The following SMC2 variants were observed in gnomAD, a reference collection of about 807,000 sequenced individuals.
SMC2 encodes the protein structural maintenance of chromosomes 2.
In SMC2, 41 loss-of-function variants were observed where a neutral mutation model predicts 142.6. The ratio of observed to expected loss-of-function variants is 0.29; its 90% confidence interval spans 0.22 to 0.37. The LOEUF (loss-of-function observed/expected upper bound fraction) is 0.37. Among genes scored for constraint, SMC2 ranks in the 10% least tolerant of loss-of-function variants. The probability of loss-of-function intolerance (pLI) is 1.00; values close to 1 mark genes in which losing one functional copy is unlikely to be tolerated. For synonymous variants in SMC2, 463 were observed against 457.5 expected (o/e 1.01, Z -0.15); for missense variants, 1,265 against 1,373.7 (o/e 0.92, Z 1.25).
chr9:104,104,521 T>G (rs1027628178), intron 9 of SMC2, among the ~76,000 whole-genome samples: 1 of 151,936 alleles, frequency 6.6e-6, no homozygotes, highest in African/African-American at 2.4e-5. Context: ...GCATTGAGAT[T>G]ATGTTTTAGG....
intron 24 of SMC2, 87 bp from the exon 25 acceptor site, chr9:104,139,052 C>G: frequency 1.3e-6 from 1 of 782,722 alleles, no homozygotes; most frequent in African/African-American, 1.8e-5. Context: ...AAAATTATCT[C>G]CAAACCATTC....
intron 13 of SMC2, among the ~76,000 whole-genome samples, chr9:104,115,915 T>C (rs994648631): frequency 2.0e-5 from 3 of 148,808 alleles, no homozygotes; most frequent in Non-Finnish European, 3.0e-5. Flanking sequence ...TTTGTTCAGC[T>C]TTTTTTTTTA....
chr9:104,097,698 G>C (rs1056143742), intron 3 of SMC2, among the ~76,000 whole-genome samples: 6 of 152,110 alleles, frequency 3.9e-5, no homozygotes, highest in African/African-American at 1.4e-4. Flanking sequence ...ATTTTTGTCA[G>C]AGAAGGGTCT....
chr9:104,106,001 T>C (rs1232800394), intron 9 of SMC2, among the ~76,000 whole-genome samples: 2 of 152,220 alleles, frequency 1.3e-5, no homozygotes, highest in Admixed American at 1.3e-4. Flanking sequence ...GATTGGGCTA[T>C]GCATTGCAGT....
At position 104,126,793 on chromosome 9, in the gene SMC2, T is replaced by G; in HGVS notation, c.2595+9T>G. The G allele has an allele frequency of 1.3e-6, 2 of 1,582,366 alleles. No individual in the cohort carries two copies. The highest frequency in any genetic ancestry group is 1.7e-6 in the Non-Finnish European group (2 of 1,169,310). On this transcript the variant is annotated intron_variant, in intron 19 of 24. Transcript: ENST00000374793. ...AGGTGGCTAAAAATAAGGTAGGATT[T>G]ATTTATCAAATTCGAGAAATTGAAA...
intron 2 of SMC2, 64 bp downstream of exon 2, chr9:104,095,616 G>A: frequency 7.6e-7 from 1 of 1,309,396 alleles, no homozygotes; most frequent in Non-Finnish European, 1.1e-6. Flanking sequence ...ACTGAACTTT[G>A]GAGACGTCCC....
chr9:104,131,955 G>C (rs1368101415), intron 21 of SMC2, 54 bp from the exon 22 acceptor site: 12 of 901,882 alleles, frequency 1.3e-5, no homozygotes, highest in Non-Finnish European at 2.1e-5. Context: ...CCAAATTCCA[G>C]AATATAGAAG....
At chr9:104,134,877 C>A (rs143033622) in intron 23 of SMC2, among the ~76,000 whole-genome samples, 1 of 152,076 alleles carries the variant, frequency 6.6e-6, no homozygotes, top group Admixed American at 6.6e-5. Flanking sequence ...GGCTTTCTCT[C>A]TAGAGGCAGT....
intron 10 of SMC2, 96 bp from the exon 11 acceptor site, chr9:104,113,220 G>A (rs1832690037): frequency 1.2e-6 from 1 of 820,358 alleles, no homozygotes; most frequent in South Asian, 2.9e-5. Context: ...TGAAGGTTAA[G>A]GTCTCTTAGT....
intron 7 of SMC2, among the ~76,000 whole-genome samples, chr9:104,101,203 G>A (rs1054155287): frequency 8.5e-5 from 13 of 152,248 alleles, no homozygotes; most frequent in African/African-American, 2.9e-4. Flanking sequence ...GCAAAGTGCT[G>A]GGATTACAGG....
chr9:104,111,329 A>G (rs781071015), intron 9 of SMC2, among the ~76,000 whole-genome samples: 11 of 152,136 alleles, frequency 7.2e-5, no homozygotes, highest in Non-Finnish European at 4.4e-5. Context: ...TGCAATTATT[A>G]TTTAGCCCAA....
rs1405282888 is a variant in SMC2 at position 104,129,730 on chromosome 9, C to T, written c.2876C>T (p.Thr959Ile). The T allele has an allele frequency of 6.2e-7, 1 of 1,613,838 alleles. No homozygotes were observed. Among genetic ancestry groups the T allele is most frequent in the Admixed American group, 1.7e-5 (1 of 60,004 alleles). Residue 959 changes from threonine (T) to isoleucine (I), a missense_variant, in exon 21 of 25, where the codon ACT becomes ATT. Thr to Ile is a moderately conservative substitution (Grantham distance 89). Coordinates refer to ENST00000374793, the MANE Select transcript of SMC2 (RefSeq NM_006444.3). ...GQPNSAYDFKTNNPKEAGQRL... is the reference protein window; with the variant it reads ...GQPNSAYDFKINNPKEAGQRL... ...CCCAATAGTGCCTATGATTTCAAAA[C>T]TAACAACCCTAAAGAAGCTGGTCAG... is the stretch of plus-strand genomic sequence containing the variant.
Position 104,139,139 on chromosome 9 carries a change from T to C in SMC2, c.3418T>C (p.Phe1140Leu). ...MLRTHFTHSQ[F>L]IVVSLKEGMF... ...TATACTTTTTTCTTTTTTCCTTAAGTTCATTGTGGTGTCACTAAAAGAAGG... is the reference window on the plus strand; with the variant it reads ...TATACTTTTTTCTTTTTTCCTTAAGCTCATTGTGGTGTCACTAAAAGAAGG... Residue 1140 changes from phenylalanine to leucine, a missense_variant and splice_region_variant, in exon 25 of 25, where the codon TTC becomes CTC. Coordinates refer to ENST00000374793, the MANE Select transcript of SMC2 (RefSeq NM_006444.3). 6.5e-7 allele frequency: 1 copy of C among 1,546,130 alleles called. No individual in the cohort carries two copies. Among genetic ancestry groups the C allele is most frequent in the Non-Finnish European group, 8.6e-7 (1 of 1,157,630 alleles).
intron 15 of SMC2, among the ~76,000 whole-genome samples, chr9:104,119,115 C>T (rs1297773131): frequency 3.9e-5 from 6 of 152,070 alleles, no homozygotes; most frequent in Admixed American, 6.6e-5. Context: ...ATGTTGCTCT[C>T]GGCCACGAAA....
At chr9:104,100,303 TC>T in intron 6 of SMC2, 85 bp from the exon 7 acceptor site, 1 of 1,392,990 alleles carries the variant, frequency 7.2e-7, no homozygotes, top group Non-Finnish European at 1.0e-6. Flanking sequence ...GGTTCAGTTT[TC>T]CATAGTCATC....
chr9:104,116,543 C>T (rs552467878), intron 14 of SMC2, among the ~76,000 whole-genome samples: 1 of 112,372 alleles, frequency 8.9e-6, no homozygotes, highest in East Asian at 2.0e-4. Context: ...CCTTTTTAAC[C>T]TTAAGTCACA....
chr9:104,094,048 C>T (rs569474604), upstream of SMC2, among the ~76,000 whole-genome samples: 6 of 151,706 alleles, frequency 4.0e-5, no homozygotes, highest in Admixed American at 1.3e-4. Context: ...GCTGGCGAAG[C>T]GCGAGGACCC....
At chr9:104,123,833 T>G (rs1833987889) in intron 17 of SMC2, among the ~76,000 whole-genome samples, 1 of 152,242 alleles carries the variant, frequency 6.6e-6, no homozygotes, top group South Asian at 2.1e-4. Context: ...TAATTCACTT[T>G]ATAGCCATTT....
chr9:104,111,981 T>C (rs1010427226), intron 10 of SMC2, among the ~76,000 whole-genome samples, 167 bp downstream of exon 10: 3 of 152,234 alleles, frequency 2.0e-5, no homozygotes, highest in African/African-American at 7.2e-5. Flanking sequence ...AATTCAAATA[T>C]GTTGATTGCT....
Sources: allele counts gnomAD v4.1 joint callset (sites outside exome capture counted in the v4.1 genomes callset), GRCh38; gene constraint gnomAD v4.1.1; transcripts MANE v1.5; gene names NCBI Gene and HGNC (gene_info 2026-07-23, HGNC 2026-07-21).